Variants in CSMD1 observed in about 807,000 individuals in gnomAD.
CSMD1 encodes the protein CUB and Sushi multiple domains 1, also known as CUB and sushi domain-containing protein 1.
CSMD1 carries 213 observed loss-of-function variants against 417.5 expected under a neutral mutation model. The observed-to-expected ratio is 0.51, with a 90% CI of 0.46 to 0.57. The LOEUF is 0.57. Ranked by LOEUF, CSMD1 falls within the 20% of genes least tolerant of loss-of-function variation. The pLI is 0.00. For synonymous variants in CSMD1, 2,862 were observed against 1,736.8 expected (o/e 1.65, Z -16.11); for missense variants, 6,923 against 4,529.7 (o/e 1.53, Z -15.17).
At chr8:4,390,239 C>G (rs541415322) in intron 3 of CSMD1, among the ~76,000 whole-genome samples, 4 of 152,004 alleles carry the variant, frequency 2.6e-5, no homozygotes, top group Non-Finnish European at 5.9e-5. Context: ...GTGCCTTCTT[C>G]TTGGGGAAAA....
chr8:3,151,433 C>A lies in CSMD1; in HGVS notation c.5995G>T (p.Asp1999Tyr). Residue 1999 changes from aspartate (D) to tyrosine (Y), a missense_variant, in exon 40 of 70, where the codon GAC (aspartate) becomes TAC (tyrosine). Transcript: ENST00000635120. Reference sequence around the variant, plus strand: ...GGTAATGAGATCCTCCAGGTGCAGTCTAAGTTGTTGGGGTAAGAACCTGGG... The same window carrying A: ...GGTAATGAGATCCTCCAGGTGCAGTATAAGTTGTTGGGGTAAGAACCTGGG... ...GFPGSYPNNL[D>Y]CTWRISLPIG... is the part of the protein sequence containing the mutation. 6.2e-7 allele frequency: 1 copy of A among 1,613,724 alleles called. No homozygotes were observed. The highest frequency in any genetic ancestry group is 8.5e-7 in the Non-Finnish European group (1 of 1,179,784).
intron 12 of CSMD1, among the ~76,000 whole-genome samples, chr8:3,422,683 G>C (rs184144080): frequency 3.9e-5 from 6 of 152,302 alleles, no homozygotes; most frequent in African/African-American, 1.2e-4. Context: ...TCTGATGCCA[G>C]TGATTTTATG....
chr8:3,750,801 G>C (rs989498563), intron 6 of CSMD1, among the ~76,000 whole-genome samples: 3 of 152,130 alleles, frequency 2.0e-5, no homozygotes, highest in Admixed American at 1.3e-4. Flanking sequence ...CTAAGCTGTT[G>C]CTCTGTCTCC....
chr8:4,689,255 G>A (rs994569118), intron 1 of CSMD1, among the ~76,000 whole-genome samples: 4 of 152,094 alleles, frequency 2.6e-5, no homozygotes, highest in African/African-American at 7.2e-5. Flanking sequence ...GTAACAGTAT[G>A]GAAACAAAGT....
chr8:4,875,540 G>A (rs573614622), intron 1 of CSMD1, among the ~76,000 whole-genome samples: 2 of 152,118 alleles, frequency 1.3e-5, no homozygotes, highest in Admixed American at 6.5e-5. Context: ...GCCATCTACT[G>A]TCCAACTCAA....
chr8:4,016,890 G>GA (rs1280240826), intron 4 of CSMD1, among the ~76,000 whole-genome samples: 1 of 152,246 alleles, frequency 6.6e-6, no homozygotes, highest in East Asian at 1.9e-4. Context: ...TCACAATCCT[G>GA]AAAAACACAA....
At chr8:3,231,505 G>A (rs1287734464) in intron 26 of CSMD1, among the ~76,000 whole-genome samples, 2 of 152,126 alleles carry the variant, frequency 1.3e-5, no homozygotes, top group African/African-American at 4.8e-5. Flanking sequence ...GTGTGCGTGT[G>A]TGTGCATATA....
intron 7 of CSMD1, among the ~76,000 whole-genome samples, chr8:3,644,502 G>C (rs1585010090): frequency 6.6e-6 from 1 of 152,208 alleles, no homozygotes; most frequent in South Asian, 2.1e-4. Context: ...GCTCTGATTA[G>C]CAAAAAGAAG....
intron 1 of CSMD1, among the ~76,000 whole-genome samples, chr8:4,772,683 T>C (rs944375508): frequency 3.3e-5 from 5 of 152,160 alleles, no homozygotes; most frequent in Admixed American, 6.5e-5. Context: ...TAAAAATGTA[T>C]CTGTGAAAGG....
chr8:3,731,905 C>G (rs897349641), intron 6 of CSMD1, among the ~76,000 whole-genome samples: 24 of 152,100 alleles, frequency 1.6e-4, no homozygotes, highest in African/African-American at 5.3e-4. Flanking sequence ...ATAATGTGAC[C>G]TTAGTGGTTT....
intron 40 of CSMD1, among the ~76,000 whole-genome samples, chr8:3,145,148 A>G (rs1435982795): frequency 6.6e-6 from 1 of 152,128 alleles, no homozygotes; most frequent in Non-Finnish European, 1.5e-5. Context: ...AGTTTTATAG[A>G]CATTGCTCAC....
At chr8:3,039,288 T>C (rs1437101693) in intron 50 of CSMD1, among the ~76,000 whole-genome samples, 2 of 119,554 alleles carry the variant, frequency 1.7e-5, no homozygotes, top group African/African-American at 5.6e-5. Flanking sequence ...TTCCTTCTTT[T>C]CCTTACTTCC....
chr8:3,519,406 G>T (rs1797409634), intron 10 of CSMD1, among the ~76,000 whole-genome samples: 2 of 152,150 alleles, frequency 1.3e-5, no homozygotes, highest in South Asian at 2.1e-4. Context: ...TCACTAGTCT[G>T]GTAATTGCAT....
At chr8:4,148,537 G>C (rs79301175) in intron 3 of CSMD1, among the ~76,000 whole-genome samples, 1 of 151,532 alleles carries the variant, frequency 6.6e-6, no homozygotes, top group East Asian at 1.9e-4. Flanking sequence ...AAAACGCATT[G>C]GCTACTTGGA....
chr8:2,952,674 A>C (rs1399183681), intron 65 of CSMD1, among the ~76,000 whole-genome samples: 1 of 145,758 alleles, frequency 6.9e-6, no homozygotes, highest in African/African-American at 2.6e-5. Context: ...AATAGCCTTT[A>C]AAGTACATAA....
intron 5 of CSMD1, among the ~76,000 whole-genome samples, chr8:3,922,339 C>G (rs185279428): frequency 2.6e-5 from 4 of 151,888 alleles, no homozygotes; most frequent in East Asian, 3.9e-4. Context: ...GTCACTCTGT[C>G]TTTGGATTAA....
chr8:3,929,180 G>A (rs1172797030), intron 5 of CSMD1, among the ~76,000 whole-genome samples: 1 of 150,238 alleles, frequency 6.7e-6, no homozygotes, highest in Non-Finnish European at 1.5e-5. Context: ...AAGAGTGCAA[G>A]GCTGAGGAAA....
chr8:3,529,924 T>A (rs1379790696), intron 10 of CSMD1, among the ~76,000 whole-genome samples: 1 of 152,160 alleles, frequency 6.6e-6, no homozygotes, highest in Non-Finnish European at 1.5e-5. Context: ...AGTCATAGAA[T>A]CAACATTTGT....
At chr8:3,280,608 C>T (rs1392578397) in intron 26 of CSMD1, among the ~76,000 whole-genome samples, 2 of 152,104 alleles carry the variant, frequency 1.3e-5, no homozygotes. Context: ...GGGATGGATC[C>T]TATCCAAGTG....
Sources: gnomAD v4.1 joint callset for allele counts (sites outside exome capture counted in the v4.1 genomes callset) on GRCh38, gnomAD v4.1.1 for gene constraint, MANE v1.5 for transcripts, NCBI Gene and HGNC (gene_info 2026-07-23, HGNC 2026-07-21) for gene names.